Variants in THEMIS observed in about 807,000 individuals in gnomAD.
THEMIS encodes the protein thymocyte selection associated.
Under a neutral mutation model 52.6 loss-of-function variants are expected in THEMIS, and 37 were observed. The ratio of observed to expected loss-of-function variants is 0.70; its 90% CI spans 0.54 to 0.93. The LOEUF is 0.93. THEMIS is among the 40% of genes least tolerant of loss of function. The pLI is 0.00. For missense variants in THEMIS, 808 were observed against 763.1 expected (o/e 1.06, Z -0.69); for synonymous variants, 292 against 272.7 (o/e 1.07, Z -0.70).
intron 2 of THEMIS, among the ~76,000 whole-genome samples, chr6:127,841,783 T>C (rs4243492): frequency 0.76 from 114,658 of 151,858 alleles, 43,978 homozygotes; most frequent in East Asian, 0.98. Flanking sequence ...TTCTTTTGCA[T>C]GCTGATTAAT....
intron 4 of THEMIS, among the ~76,000 whole-genome samples, chr6:127,778,999 G>T (rs543864837): frequency 6.6e-6 from 1 of 152,126 alleles, no homozygotes; most frequent in South Asian, 2.1e-4. Flanking sequence ...ATATCTGCAG[G>T]ATGTACATAG....
At chr6:127,904,364 G>C (rs1051096966), upstream of THEMIS, among the ~76,000 whole-genome samples, 5 of 152,054 alleles carry the variant, frequency 3.3e-5, no homozygotes, top group African/African-American at 1.2e-4. Flanking sequence ...GCCAAGGAGG[G>C]AGCAGGAGTC....
rs760301286 is a variant in THEMIS, at chr6:127,829,531, G to A, written c.654C>T (p.Asp218=). The change falls in exon 3 of 6, where the codon GAC becomes GAT. Residue 218 remains aspartate (D), a synonymous_variant. Transcript: ENST00000368248. ...KWDSTNPFPK[D]FYGTLILKPV... is the part of the protein sequence containing the mutation. Reference sequence around the variant, plus strand: ...GCTTGAGAATCAGGGTACCATAAAAGTCTTTAGGAAATGGATTCGTTGAGT... The same window carrying A: ...GCTTGAGAATCAGGGTACCATAAAAATCTTTAGGAAATGGATTCGTTGAGT... 1.9e-6 allele frequency: 3 copies of A among 1,613,234 alleles called. No homozygotes were observed. The highest frequency in any genetic ancestry group is 1.3e-5 in the African/African-American group (1 of 74,856).
intron 1 of THEMIS, among the ~76,000 whole-genome samples, chr6:127,879,782 G>A (rs1383596281): frequency 6.6e-6 from 1 of 152,028 alleles, no homozygotes; most frequent in Non-Finnish European, 1.5e-5. Context: ...GGCCTTCCGT[G>A]AGCTGGAGCT....
intron 4 of THEMIS, among the ~76,000 whole-genome samples, chr6:127,725,020 G>A (rs1774490558): frequency 1.3e-5 from 2 of 151,924 alleles, no homozygotes; most frequent in Admixed American, 1.3e-4. Context: ...GAGCTACAAA[G>A]GACCTCTCTT....
intron 4 of THEMIS, among the ~76,000 whole-genome samples, chr6:127,724,712 C>T (rs1232087104): frequency 6.6e-6 from 1 of 151,850 alleles, no homozygotes; most frequent in Non-Finnish European, 1.5e-5. Flanking sequence ...TTATTCTTGG[C>T]TTGTATTTTG....
At chr6:127,775,127 G>C (rs1015204351) in intron 4 of THEMIS, among the ~76,000 whole-genome samples, 1 of 152,110 alleles carries the variant, frequency 6.6e-6, no homozygotes, top group Non-Finnish European at 1.5e-5. Flanking sequence ...TATGTTCCCT[G>C]GGGTGGTTCT....
At chr6:127,891,538 C>CAAAAAA (rs67886431) in intron 1 of THEMIS, among the ~76,000 whole-genome samples, 6 of 96,838 alleles carry the variant, frequency 6.2e-5, no homozygotes, top group Non-Finnish European at 1.0e-4. Context: ...TCCAGCTCAA[C>CAAAAAA]AAAAAAAAAA....
chr6:127,902,343 AAAT>A (rs1430665970), upstream of THEMIS, among the ~76,000 whole-genome samples: 1 of 150,242 alleles, frequency 6.7e-6, no homozygotes, highest in Non-Finnish European at 1.5e-5. Context: ...AAAAAAAAAA[AAAT>A]AAAGAATACT....
chr6:127,730,344 G>GAGA (rs1562219971), intron 4 of THEMIS, among the ~76,000 whole-genome samples: 4 of 81,872 alleles, frequency 4.9e-5, no homozygotes. Context: ...AAGAAAAGAA[G>GAGA]AGAAGAGAAG....
rs529736762 is a variant in THEMIS, at chr6:127,893,657, T to C, written c.91+7185A>G. On this transcript the variant is annotated intron_variant, in intron 1 of 5. Transcript: ENST00000368248. ...ATGAACATTCTCCCTATTATCACTG[T>C]GGTTGTCAACGGCGAGTATTCAATC... Among the ~76,000 whole-genome samples, 13 of 152,204 alleles carry C rather than the reference T, an allele frequency of 8.5e-5. No individual in the cohort carries two copies. The East Asian group carries it at 1.9e-3, about 23-fold the overall frequency.
chr6:127,859,851 G>A (rs1366594471), intron 1 of THEMIS, among the ~76,000 whole-genome samples: 1 of 152,094 alleles, frequency 6.6e-6, no homozygotes, highest in Admixed American at 6.6e-5. Context: ...GGCTGATAGT[G>A]TCTGATAGAA....
At chr6:127,911,351 T>C (rs148590658) in intron 1 of THEMIS, among the ~76,000 whole-genome samples, 1 of 150,572 alleles carries the variant, frequency 6.6e-6, no homozygotes, top group Non-Finnish European at 1.5e-5. Flanking sequence ...TTCTCCTTCA[T>C]TTATTTATTT....
At chr6:127,882,800 C>T (rs898623645) in intron 1 of THEMIS, among the ~76,000 whole-genome samples, 1 of 151,744 alleles carries the variant, frequency 6.6e-6, no homozygotes, top group Non-Finnish European at 1.5e-5. Context: ...GAGTAGAATA[C>T]AATACTGTGA....
intron 3 of THEMIS, among the ~76,000 whole-genome samples, chr6:127,827,929 A>G (rs1478692174): frequency 6.6e-6 from 1 of 151,988 alleles, no homozygotes; most frequent in Non-Finnish European, 1.5e-5. Context: ...TCCCCATTGC[A>G]TGTGTTCATA....
At chr6:127,811,392 A>G (rs1777902370) in intron 4 of THEMIS, among the ~76,000 whole-genome samples, 1 of 152,136 alleles carries the variant, frequency 6.6e-6, no homozygotes, top group South Asian at 2.1e-4. Flanking sequence ...TTAGTTCATG[A>G]TTCCTTTCCT....
At chr6:127,799,579 CTTTCTTTT>C (rs551285736) in intron 4 of THEMIS, among the ~76,000 whole-genome samples, 3,065 of 135,952 alleles carry the variant, frequency 0.023, 55 homozygotes, top group Non-Finnish European at 0.035. Context: ...TTCTTTCTTT[CTTTCTTTT>C]TTTCTTTCTT....
chr6:127,777,000 TTA>T (rs200628056), intron 4 of THEMIS, among the ~76,000 whole-genome samples: 8 of 151,800 alleles, frequency 5.3e-5, no homozygotes, highest in Admixed American at 4.6e-4. Context: ...AATGTTACAA[TTA>T]TATATATATA....
At chr6:127,827,768 A>C (rs1452322061) in intron 3 of THEMIS, among the ~76,000 whole-genome samples, 1 of 152,068 alleles carries the variant, frequency 6.6e-6, no homozygotes, top group Non-Finnish European at 1.5e-5. Flanking sequence ...TGATGTCTCT[A>C]CTGTATAAAT....
Sources: allele counts gnomAD v4.1 joint callset (sites outside exome capture counted in the v4.1 genomes callset), GRCh38; gene constraint gnomAD v4.1.1; transcripts MANE v1.5; gene names NCBI Gene and HGNC (gene_info 2026-07-23, HGNC 2026-07-21).